The following IRGM variants were observed in gnomAD, a reference collection of about 807,000 sequenced individuals.
IRGM encodes immunity related GTPase M.
For synonymous variants in IRGM, 98 were observed against 80.6 expected (o/e 1.22, Z -1.16); for missense variants, 288 against 219.9 (o/e 1.31, Z -1.96).
intron 1 of IRGM, among the ~76,000 whole-genome samples, chr5:150,862,928 G>A (rs1754156468): frequency 6.6e-6 from 1 of 152,002 alleles, no homozygotes; most frequent in South Asian, 2.1e-4. Flanking sequence ...TTGGCAGGGA[G>A]GAGAAGAAGG....
At chr5:150,879,391 A>G (rs1213684364) in intron 2 of IRGM, among the ~76,000 whole-genome samples, 1 of 152,246 alleles carries the variant, frequency 6.6e-6, no homozygotes, top group Non-Finnish European at 1.5e-5. Flanking sequence ...ATTTATTGGT[A>G]ATTTAAGCAC....
chr5:150,857,347 T>C (rs1168371101), intron 1 of IRGM, among the ~76,000 whole-genome samples: 1 of 152,178 alleles, frequency 6.6e-6, no homozygotes, highest in Non-Finnish European at 1.5e-5. Flanking sequence ...GACATTTGGG[T>C]TGGTTCCAAG....
chr5:150,851,775 TTCTCA>T (rs1753979885), downstream of IRGM, among the ~76,000 whole-genome samples: 1 of 152,194 alleles, frequency 6.6e-6, no homozygotes, highest in Non-Finnish European at 1.5e-5. Flanking sequence ...ACCCAAGAAG[TTCTCA>T]TCTAACAATG....
intron 3 of IRGM, among the ~76,000 whole-genome samples, chr5:150,888,447 C>T (rs998320859): frequency 2.7e-4 from 41 of 152,082 alleles, no homozygotes; most frequent in African/African-American, 9.9e-4. Context: ...AACATTGGAC[C>T]AAATGGATCT....
At chr5:150,881,085 C>T (rs1349484836) in intron 3 of IRGM, among the ~76,000 whole-genome samples, 2 of 151,668 alleles carry the variant, frequency 1.3e-5, no homozygotes, top group Non-Finnish European at 2.9e-5. Context: ...CAAGATCATG[C>T]CATTGCACTC....
chr5:150,851,216 C>A (rs1392823088), downstream of IRGM, among the ~76,000 whole-genome samples: 1 of 152,144 alleles, frequency 6.6e-6, no homozygotes, highest in African/African-American at 2.4e-5. Context: ...TTACCATAAG[C>A]AGCACCCTCC....
At chr5:150,896,087 T>C in intron 3 of IRGM, 1 of 1,613,406 alleles carries the variant, frequency 6.2e-7, no homozygotes, top group Non-Finnish European at 8.5e-7. Context: ...TCCCACACTC[T>C]CTACATTCAT....
intron 2 of IRGM, among the ~76,000 whole-genome samples, chr5:150,878,830 C>G (rs899035945): frequency 6.6e-6 from 1 of 151,438 alleles, no homozygotes; most frequent in East Asian, 1.9e-4. Context: ...ATTATTGTCT[C>G]TTAGGATTCT....
At chr5:150,877,982 C>A (rs1754388193) in exon 2 of IRGM, 1 of 456,808 alleles carries the variant, frequency 2.2e-6, no homozygotes, top group East Asian at 6.9e-5. Context: ...TTCCTCAGAG[C>A]TCTAGAAACC....
intron 1 of IRGM, among the ~76,000 whole-genome samples, chr5:150,866,090 G>A (rs1754204617): frequency 6.6e-6 from 1 of 152,152 alleles, no homozygotes; most frequent in Admixed American, 6.5e-5. Context: ...AAATTACATT[G>A]TTAACTCCCT....
intron 1 of IRGM, among the ~76,000 whole-genome samples, chr5:150,866,959 A>ACT (rs61488614): frequency 0.24 from 37,134 of 151,962 alleles, 6,447 homozygotes; most frequent in East Asian, 0.61. Context: ...AAGTGCAGAA[A>ACT]CTTCAGTGTA....
Position 150,863,199 on chromosome 5 carries a change from C to T in IRGM, c.158+14545C>T, listed in dbSNP as rs181888032. Among the ~76,000 whole-genome samples, 441 of 152,064 alleles carry T rather than the reference C, an allele frequency of 2.9e-3. 2 individuals are homozygous for T. The highest frequency in any genetic ancestry group is 0.01 in the African/African-American group (420 of 41,470). Reference sequence around the variant, plus strand: ...GAAAGAGAGACATCTGTGAAACTGGCGCAGAACAGAGCACAGGAATATAAT... The same window carrying T: ...GAAAGAGAGACATCTGTGAAACTGGTGCAGAACAGAGCACAGGAATATAAT... On this transcript the variant is annotated intron_variant and NMD_transcript_variant, in intron 1 of 3. Transcript: ENST00000520549.
downstream of IRGM, among the ~76,000 whole-genome samples, chr5:150,851,319 C>G (rs1190347664): frequency 6.6e-6 from 1 of 152,106 alleles, no homozygotes; most frequent in East Asian, 1.9e-4. Context: ...ATCTTCCTCC[C>G]CCTTATCTGT....
intron 1 of IRGM, among the ~76,000 whole-genome samples, chr5:150,868,888 A>G (rs1218304582): frequency 2.0e-5 from 3 of 152,058 alleles, no homozygotes; most frequent in Admixed American, 2.0e-4. Context: ...AGCTTTTTGG[A>G]TAAGTCTTTA....
At chr5:150,873,259 C>T (rs1561746824) in intron 1 of IRGM, among the ~76,000 whole-genome samples, 3 of 152,176 alleles carry the variant, frequency 2.0e-5, no homozygotes, top group Admixed American at 1.3e-4. Flanking sequence ...AACTTCCAGG[C>T]TGAGTGGACA....
intron 3 of IRGM, chr5:150,896,194 C>G: frequency 6.2e-7 from 1 of 1,613,528 alleles, no homozygotes; most frequent in Non-Finnish European, 8.5e-7. Flanking sequence ...GGTTTTTCCC[C>G]AGTGTGAACT....
chr5:150,866,622 A>G (rs1300429492), intron 1 of IRGM, among the ~76,000 whole-genome samples: 1 of 152,224 alleles, frequency 6.6e-6, no homozygotes, highest in Non-Finnish European at 1.5e-5. Context: ...ATTCTGCAGG[A>G]GGAAAAAAAG....
intron 1 of IRGM, among the ~76,000 whole-genome samples, chr5:150,872,367 C>T (rs1485842011): frequency 6.6e-6 from 1 of 152,136 alleles, no homozygotes; most frequent in Non-Finnish European, 1.5e-5. Flanking sequence ...CCTGTGCTGC[C>T]TGAGGCAACA....
chr5:150,888,956 A>T (rs1183559489), intron 3 of IRGM, among the ~76,000 whole-genome samples: 1 of 152,084 alleles, frequency 6.6e-6, no homozygotes, highest in Non-Finnish European at 1.5e-5. Flanking sequence ...AATTTCTTTC[A>T]GCAATGTTCT....
Sources: allele counts gnomAD v4.1 joint callset (sites outside exome capture counted in the v4.1 genomes callset), GRCh38; gene constraint gnomAD v4.1.1; transcripts MANE v1.5; gene names NCBI Gene and HGNC (gene_info 2026-07-23, HGNC 2026-07-21).